GPR155: variants seen among roughly 807,000 people sequenced by gnomAD.
GPR155 encodes G protein-coupled receptor 155.
Under a neutral mutation model 93.1 loss-of-function variants are expected in GPR155, and 65 were observed. That is an observed-to-expected ratio of 0.70 (90% CI 0.57 to 0.86). The LOEUF (loss-of-function observed/expected upper bound fraction) is 0.86, where lower values mean the gene tolerates loss of function less well. GPR155 is among the 40% of genes least tolerant of loss of function. The pLI is 0.00. For synonymous variants in GPR155, 319 were observed against 360.1 expected, an observed-to-expected ratio of 0.89 and a Z score of 1.29; for missense variants, 838 against 1,034.8, an observed-to-expected ratio of 0.81 and a Z score of 2.61.
intron 7 of GPR155, among the ~76,000 whole-genome samples, chr2:174,462,345 C>G (rs1257531253): frequency 6.6e-6 from 1 of 152,008 alleles, no homozygotes; most frequent in Non-Finnish European, 1.5e-5. Context: ...GAGTCTTACT[C>G]CGTTGCCCAG....
rs919882332 is a variant in GPR155, at chr2:174,433,976, T to C, written c.*2140A>G. On this transcript the variant is annotated 3_prime_UTR_variant, in exon 16 of 16. Coordinates refer to ENST00000392552, the MANE Select transcript of GPR155 (RefSeq NM_152529.7). Reference sequence around the variant, plus strand: ...AATCTTTAGAATTTTTTTTTTTTTTTCTGAGACAGAGTCTCACTCTGACAC... The same window carrying C: ...AATCTTTAGAATTTTTTTTTTTTTTCCTGAGACAGAGTCTCACTCTGACAC... The C allele has an allele frequency of 2.6e-5, 4 of 151,716 alleles. No individual in the cohort carries two copies. Among genetic ancestry groups the C allele is most frequent in the Admixed American group, 6.6e-5 (1 of 15,216 alleles). 9.4% of individuals were successfully genotyped at this position (151,716 alleles called of 1,614,324 possible).
Position 174,435,793 on chromosome 2 carries a change from G to T in GPR155, c.*323C>A, listed in dbSNP as rs952221629. ...CCGGCCTACACCATTTTATATAAGG[G>T]ACTTGAGTATCCTCAGATTTTGGGA... On this transcript the variant is annotated 3_prime_UTR_variant, in exon 16 of 16. Transcript: ENST00000392552. 1.7e-5 allele frequency: 4 copies of T among 233,892 alleles called. No homozygotes were observed. The highest frequency in any genetic ancestry group is 9.1e-5 in the African/African-American group (4 of 44,110). The allele number at this position is 233,892 out of a possible 1,614,324, so 14.5% of individuals were successfully genotyped here. A position where few individuals can be genotyped will look rare whatever the true frequency, so the allele number is the denominator to read the frequency against.
At chr2:174,456,211 G>A (rs1207425144) in intron 10 of GPR155, among the ~76,000 whole-genome samples, 1 of 152,116 alleles carries the variant, frequency 6.6e-6, no homozygotes, top group East Asian at 1.9e-4. Context: ...GGTCAGGTTA[G>A]AGATGCAACA....
At chr2:174,448,932 A>G (rs986580613) in intron 11 of GPR155, among the ~76,000 whole-genome samples, 1 of 152,230 alleles carries the variant, frequency 6.6e-6, no homozygotes, top group Non-Finnish European at 1.5e-5. Context: ...AGAAGAAACT[A>G]TGAACAGAGT....
intron 11 of GPR155, among the ~76,000 whole-genome samples, chr2:174,450,316 C>T (rs1687281474): frequency 1.3e-5 from 2 of 151,954 alleles, no homozygotes; most frequent in South Asian, 4.2e-4. Context: ...AAACTGGGGA[C>T]TACGAGAGGT....
chr2:174,482,116 T>G (rs1050932213), intron 1 of GPR155, 129 bp from the exon 2 acceptor site: 9 of 587,610 alleles, frequency 1.5e-5, no homozygotes, highest in African/African-American at 1.5e-4. Flanking sequence ...TAGATTTATT[T>G]ACTTATTCAA....
At chr2:174,484,474 C>T (rs765275940) in intron 1 of GPR155, among the ~76,000 whole-genome samples, 6 of 152,196 alleles carry the variant, frequency 3.9e-5, no homozygotes, top group Non-Finnish European at 5.9e-5. Flanking sequence ...TTGTACAACA[C>T]GAGCATGTCA....
intron 11 of GPR155, among the ~76,000 whole-genome samples, chr2:174,452,131 A>G (rs1256126311): frequency 6.6e-6 from 1 of 152,248 alleles, no homozygotes; most frequent in Non-Finnish European, 1.5e-5. Context: ...GATGTAAAGA[A>G]ACGATTTTAG....
chr2:174,443,371 T>A (rs910192529), intron 13 of GPR155, among the ~76,000 whole-genome samples: 1 of 152,226 alleles, frequency 6.6e-6, no homozygotes, highest in Admixed American at 6.5e-5. Context: ...CTCAGTGATT[T>A]CAAATGTGTG....
At chr2:174,441,198 A>G (rs927040328) in intron 14 of GPR155, among the ~76,000 whole-genome samples, 5 of 151,990 alleles carry the variant, frequency 3.3e-5, no homozygotes, top group Non-Finnish European at 7.4e-5. Flanking sequence ...AAACATCACT[A>G]TCTTTTTTTT....
rs370029989 is a variant in GPR155 at position 174,463,891 on chromosome 2, T to C, written c.1384+1894A>G. 2.0e-5 allele frequency among the ~76,000 whole-genome samples: 3 copies of C among 152,376 alleles called. No individual in the cohort carries two copies. The East Asian group carries it at 5.8e-4, about 29-fold the overall frequency. On this transcript the variant is annotated intron_variant, in intron 7 of 15. Transcript: ENST00000392552. ...AACACTGTGCTAGATTTAATATAAA[T>C]TGACATTGAGGTCCTTGAGAATTGG...
At chr2:174,480,816 C>G (rs1688296702) in intron 2 of GPR155, among the ~76,000 whole-genome samples, 1 of 152,082 alleles carries the variant, frequency 6.6e-6, no homozygotes, top group Non-Finnish European at 1.5e-5. Context: ...GTCACCCAGG[C>G]TGGAGTACAG....
chr2:174,466,507 G>C (rs1687841786), intron 6 of GPR155, 37 bp downstream of exon 6: 1 of 1,120,224 alleles, frequency 8.9e-7, no homozygotes, highest in Non-Finnish European at 1.3e-6. Flanking sequence ...TAATCCATTA[G>C]AAAAACATAG....
intron 7 of GPR155, among the ~76,000 whole-genome samples, chr2:174,462,877 A>G (rs1251089720): frequency 6.6e-6 from 1 of 152,220 alleles, no homozygotes; most frequent in Non-Finnish European, 1.5e-5. Flanking sequence ...GGATCTTAGA[A>G]CTTTAAAGTT....
chr2:174,463,256 G>A (rs1687752061), intron 7 of GPR155, among the ~76,000 whole-genome samples: 1 of 151,966 alleles, frequency 6.6e-6, no homozygotes, highest in African/African-American at 2.4e-5. Flanking sequence ...TTGTTAACCA[G>A]GTTGGGGTAC....
intron 15 of GPR155, among the ~76,000 whole-genome samples, chr2:174,439,510 T>G (rs1449272975): frequency 1.3e-5 from 2 of 152,134 alleles, no homozygotes; most frequent in African/African-American, 4.8e-5. Flanking sequence ...ACAAATACAT[T>G]TGTCAAGAAA....
chr2:174,482,483 C>T (rs796520538), intron 1 of GPR155, among the ~76,000 whole-genome samples: 2 of 152,106 alleles, frequency 1.3e-5, no homozygotes, highest in Non-Finnish European at 1.5e-5. Flanking sequence ...CTTTCCAGCC[C>T]GTGGTCATAT....
chr2:174,456,877 A>G (rs1687535005), intron 10 of GPR155, among the ~76,000 whole-genome samples: 1 of 152,226 alleles, frequency 6.6e-6, no homozygotes, highest in Non-Finnish European at 1.5e-5. Flanking sequence ...ATGGAAAACC[A>G]CACATATTGT....
chr2:174,469,207 A>T, intron 4 of GPR155, 140 bp from the exon 5 acceptor site: 3 of 636,812 alleles, frequency 4.7e-6, no homozygotes, highest in Non-Finnish European at 7.9e-6. Flanking sequence ...CATGTTATCC[A>T]ATACCATACT....
Sources: gnomAD v4.1 joint callset for allele counts (sites outside exome capture counted in the v4.1 genomes callset) on GRCh38, gnomAD v4.1.1 for gene constraint, MANE v1.5 for transcripts, NCBI Gene and HGNC (gene_info 2026-07-23, HGNC 2026-07-21) for gene names.